The following PTPRD variants were observed in gnomAD, a reference collection of about 807,000 sequenced individuals.
PTPRD encodes protein tyrosine phosphatase receptor type D, also known as receptor-type tyrosine-protein phosphatase delta.
PTPRD carries 34 observed loss-of-function variants against 214.5 expected under a neutral mutation model. That is an observed-to-expected ratio of 0.16 (90% confidence interval 0.12 to 0.21). The LOEUF is 0.21. PTPRD is among the 10% of genes least tolerant of loss of function. PTPRD has a pLI of 1.00. For missense variants in PTPRD, 2,545 were observed against 2,398.7 expected (o/e 1.06, Z -1.27); for synonymous variants, 1,128 against 845.7 (o/e 1.33, Z -5.79).
At chr9:8,372,616 G>T (rs1588945034) in intron 39 of PTPRD, among the ~76,000 whole-genome samples, 1 of 151,982 alleles carries the variant, frequency 6.6e-6, no homozygotes, top group Admixed American at 6.6e-5. Flanking sequence ...TAGATAACTA[G>T]AGTTGGCCTT....
intron 4 of PTPRD, among the ~76,000 whole-genome samples, chr9:10,002,473 G>C (rs2154094641): frequency 6.6e-6 from 1 of 150,694 alleles, no homozygotes; most frequent in South Asian, 2.1e-4. Flanking sequence ...CAAATCAGTT[G>C]AAAATAAAAG....
At chr9:8,335,506 G>C (rs1031430890) in intron 43 of PTPRD, among the ~76,000 whole-genome samples, 1 of 152,162 alleles carries the variant, frequency 6.6e-6, no homozygotes, top group East Asian at 1.9e-4. Flanking sequence ...AATAAGAAGA[G>C]CTATTTATGA....
chr9:8,960,306 A>C (rs1419336720), intron 11 of PTPRD, among the ~76,000 whole-genome samples: 1 of 152,108 alleles, frequency 6.6e-6, no homozygotes, highest in Admixed American at 6.6e-5. Flanking sequence ...TTGCTAATTC[A>C]TAATACAGTT....
At chr9:9,183,741 AAT>A (rs1433538061) in intron 9 of PTPRD, among the ~76,000 whole-genome samples, 3 of 152,014 alleles carry the variant, frequency 2.0e-5, no homozygotes, top group Non-Finnish European at 4.4e-5. Context: ...TACATTTCAG[AAT>A]ATCCATCCTT....
At chr9:9,651,829 T>TG (rs1165886895) in intron 7 of PTPRD, among the ~76,000 whole-genome samples, 1 of 119,214 alleles carries the variant, frequency 8.4e-6, no homozygotes, top group African/African-American at 3.7e-5. Flanking sequence ...AAGGTTTGTT[T>TG]TTTTTTTTTT....
chr9:9,634,714 A>G (rs987111997), intron 7 of PTPRD, among the ~76,000 whole-genome samples: 5 of 152,200 alleles, frequency 3.3e-5, no homozygotes, highest in Admixed American at 2.6e-4. Flanking sequence ...AAATCATGAT[A>G]TCTTATTTGA....
chr9:9,180,744 A>T (rs1348885864), intron 10 of PTPRD, among the ~76,000 whole-genome samples: 1 of 152,114 alleles, frequency 6.6e-6, no homozygotes, highest in Non-Finnish European at 1.5e-5. Flanking sequence ...GGTGATCTTA[A>T]ATAATTGGAG....
intron 10 of PTPRD, among the ~76,000 whole-genome samples, chr9:9,046,319 T>A (rs575193352): frequency 6.6e-6 from 1 of 152,252 alleles, no homozygotes; most frequent in African/African-American, 2.4e-5. Context: ...TCCAGCAACA[T>A]GTGATTTAAA....
intron 3 of PTPRD, among the ~76,000 whole-genome samples, chr9:10,131,117 CTG>C (rs2098874259): frequency 1.3e-5 from 2 of 152,092 alleles, no homozygotes; most frequent in South Asian, 4.1e-4. Context: ...AGAAAACTGG[CTG>C]TGCTTTCTGG....
intron 11 of PTPRD, among the ~76,000 whole-genome samples, chr9:8,781,104 C>T (rs1227203258): frequency 1.3e-5 from 2 of 151,584 alleles, no homozygotes; most frequent in African/African-American, 2.4e-5. Context: ...TTTTTTTTTC[C>T]AGTCCCTGAT....
At chr9:8,917,730 A>AG (rs2098796995) in intron 11 of PTPRD, among the ~76,000 whole-genome samples, 1 of 152,192 alleles carries the variant, frequency 6.6e-6, no homozygotes, top group Admixed American at 6.5e-5. Flanking sequence ...ACAATTCTGA[A>AG]GGATGCACCT....
At chr9:9,851,417 T>A (rs986501506) in intron 5 of PTPRD, among the ~76,000 whole-genome samples, 4 of 152,222 alleles carry the variant, frequency 2.6e-5, no homozygotes, top group African/African-American at 9.6e-5. Context: ...TCTTCTAGAA[T>A]GTACATTATA....
At chr9:10,466,601 C>A (rs1588833924) in intron 2 of PTPRD, among the ~76,000 whole-genome samples, 1 of 104,688 alleles carries the variant, frequency 9.6e-6, no homozygotes, top group Non-Finnish European at 1.7e-5. Context: ...CCAGCCTGGG[C>A]AACAAGAGCG....
chr9:9,496,303 G>C (rs1356710604), intron 8 of PTPRD, among the ~76,000 whole-genome samples: 1 of 152,072 alleles, frequency 6.6e-6, no homozygotes, highest in Non-Finnish European at 1.5e-5. Context: ...CAGATAATGA[G>C]AGAAAATATA....
intron 37 of PTPRD, among the ~76,000 whole-genome samples, chr9:8,380,402 A>G (rs1020196661): frequency 2.0e-5 from 3 of 152,172 alleles, no homozygotes; most frequent in Non-Finnish European, 4.4e-5. Context: ...GAAAAGAAGA[A>G]CAGCAGAACT....
chr9:9,301,053 A>G (rs946241384), intron 9 of PTPRD, among the ~76,000 whole-genome samples: 1 of 151,830 alleles, frequency 6.6e-6, no homozygotes, highest in Non-Finnish European at 1.5e-5. Context: ...TATCTGGCAC[A>G]AAGCAGGCAC....
intron 11 of PTPRD, among the ~76,000 whole-genome samples, chr9:8,748,884 T>G (rs931199505): frequency 4.6e-5 from 7 of 152,230 alleles, no homozygotes; most frequent in African/African-American, 1.7e-4. Flanking sequence ...CACTCCAGCC[T>G]GGGTAATAAG....
intron 2 of PTPRD, among the ~76,000 whole-genome samples, chr9:10,514,446 C>CA (rs2049322272): frequency 6.6e-6 from 1 of 151,016 alleles, no homozygotes; most frequent in African/African-American, 2.4e-5. Flanking sequence ...TTGTTATAGA[C>CA]ATATATAGTT....
intron 5 of PTPRD, among the ~76,000 whole-genome samples, chr9:9,836,801 A>G (rs1045245605): frequency 6.6e-6 from 1 of 152,316 alleles, no homozygotes; most frequent in Non-Finnish European, 1.5e-5. Flanking sequence ...ATGACTTACT[A>G]TATGTAAAAC....
Sources: gnomAD v4.1 joint callset for allele counts (sites outside exome capture counted in the v4.1 genomes callset) on GRCh38, gnomAD v4.1.1 for gene constraint, MANE v1.5 for transcripts, NCBI Gene and HGNC (gene_info 2026-07-23, HGNC 2026-07-21) for gene names.